The following PLD5 variants were observed in gnomAD, a reference collection of about 807,000 sequenced individuals.
PLD5 encodes the protein phospholipase D family member 5.
PLD5 carries 36 observed loss-of-function variants against 61.1 expected under a neutral mutation model. The ratio of observed to expected loss-of-function variants is 0.59; its 90% CI spans 0.45 to 0.78. PLD5 has a LOEUF of 0.78. PLD5 is among the 30% of genes least tolerant of loss of function. The pLI is 0.00. For missense variants in PLD5, 515 were observed against 644.4 expected (o/e 0.80, Z 2.17); for synonymous variants, 243 against 242.8 (o/e 1.00, Z -0.01).
At chr1:242,204,543 G>A (rs1669199960) in intron 5 of PLD5, among the ~76,000 whole-genome samples, 1 of 152,118 alleles carries the variant, frequency 6.6e-6, no homozygotes, top group South Asian at 2.1e-4. Flanking sequence ...TAAATAAGCA[G>A]TAGTGCCTCT....
intron 5 of PLD5, among the ~76,000 whole-genome samples, chr1:242,129,678 C>T (rs1466666571): frequency 6.6e-6 from 1 of 152,162 alleles, no homozygotes; most frequent in Non-Finnish European, 1.5e-5. Flanking sequence ...GAGTACAAGG[C>T]TGTTTTGTCA....
Position 242,256,412 on chromosome 1 carries a change from T to A in PLD5, c.607+8925A>T, listed in dbSNP as rs543516019. 6.6e-6 allele frequency among the ~76,000 whole-genome samples: 1 copy of A among 152,368 alleles called. No individual in the cohort carries two copies. Among genetic ancestry groups the A allele is most frequent in the Admixed American group, 6.5e-5 (1 of 15,310 alleles). ...TCAAGAATCATTCGTTTAAACGTAA[T>A]TCCCACTGTGGCAGTATTAAGTGGT... On this transcript the variant is annotated intron_variant, in intron 4 of 9. Coordinates refer to ENST00000536534, the MANE Select transcript of PLD5 (RefSeq NM_001372062.1). This position sits in a 1 kb window ranked among gnomAD's most constrained non-coding sequence, Gnocchi z 5.7.
intron 2 of PLD5, among the ~76,000 whole-genome samples, chr1:242,320,681 C>A (rs1321526776): frequency 6.6e-6 from 1 of 152,032 alleles, no homozygotes; most frequent in Non-Finnish European, 1.5e-5. Context: ...GAGGCAGAAG[C>A]CAACGTATCA....
intron 1 of PLD5, among the ~76,000 whole-genome samples, chr1:242,482,767 A>G (rs567506505): frequency 0.012 from 1,789 of 152,324 alleles, 38 homozygotes; most frequent in African/African-American, 0.041. Context: ...CAGATTCACC[A>G]AAGTTGAAAT....
intron 5 of PLD5, among the ~76,000 whole-genome samples, chr1:242,127,082 G>A (rs148053278): frequency 0.017 from 2,588 of 152,250 alleles, 75 homozygotes; most frequent in African/African-American, 0.059. Flanking sequence ...TCAGGGAAAT[G>A]CAAACCAAAG....
At chr1:242,342,144 G>T (rs1659869857) in intron 2 of PLD5, among the ~76,000 whole-genome samples, 2 of 152,208 alleles carry the variant, frequency 1.3e-5, no homozygotes, top group Admixed American at 1.3e-4. Context: ...CCTGAAGTCA[G>T]GGAGGAGAAG....
At chr1:242,301,765 CATTATTATT>C (rs543604489) in intron 2 of PLD5, among the ~76,000 whole-genome samples, 1 of 141,034 alleles carries the variant, frequency 7.1e-6, no homozygotes, top group Non-Finnish European at 1.5e-5. Context: ...TTTTTTAAAA[CATTATTATT>C]ATTATTATTA....
At chr1:242,158,745 CA>C (rs1325365639) in intron 5 of PLD5, among the ~76,000 whole-genome samples, 1 of 152,132 alleles carries the variant, frequency 6.6e-6, no homozygotes, top group African/African-American at 2.4e-5. Flanking sequence ...CTGCAGACTG[CA>C]GCTGTTCCTA....
intron 1 of PLD5, among the ~76,000 whole-genome samples, chr1:242,506,809 C>A (rs971462093): frequency 2.0e-5 from 3 of 152,162 alleles, no homozygotes; most frequent in African/African-American, 7.2e-5. Flanking sequence ...AGTAAAGTGG[C>A]GTAGTGCACT....
intron 6 of PLD5, among the ~76,000 whole-genome samples, chr1:242,117,569 C>A (rs530660901): frequency 6.6e-6 from 1 of 151,984 alleles, no homozygotes; most frequent in Non-Finnish European, 1.5e-5. Context: ...TTAGTAGAGA[C>A]GGGGTTTCAC....
At chr1:242,442,309 A>G (rs1436152690) in intron 1 of PLD5, among the ~76,000 whole-genome samples, 1 of 152,194 alleles carries the variant, frequency 6.6e-6, no homozygotes, top group African/African-American at 2.4e-5. Context: ...AACAACTGAG[A>G]AGTTCTAAAA....
At chr1:242,416,420 TAAGAG>T (rs1664837852) in intron 1 of PLD5, among the ~76,000 whole-genome samples, 1 of 152,118 alleles carries the variant, frequency 6.6e-6, no homozygotes, top group Non-Finnish European at 1.5e-5. Flanking sequence ...ACAGGTGTCT[TAAGAG>T]AAGGATTCAG....
rs948509218 is a variant in PLD5, at chr1:242,449,267, C to A, written c.189+74821G>T. On this transcript the variant is annotated intron_variant, in intron 1 of 9. Transcript: ENST00000536534. ...GCTCAAGTGACTGTTCAGTCTCATG[C>A]TACCAACAGCCATTTTCACCAGCAG... The A allele has an allele frequency of 3.3e-6, 5 of 1,500,590 alleles. No homozygotes were observed. In the African/African-American group the frequency reaches 6.9e-5, roughly 21 times the overall value. 93.0% of individuals were successfully genotyped at this position (1,500,590 alleles called of 1,614,324 possible). A position where few individuals can be genotyped will look rare whatever the true frequency, so the allele number is the denominator to read the frequency against.
chr1:242,132,293 C>T (rs999289241), intron 5 of PLD5, among the ~76,000 whole-genome samples: 24 of 145,256 alleles, frequency 1.7e-4, no homozygotes, highest in African/African-American at 5.7e-4. Context: ...GAAACCAGCG[C>T]GGGTGTCTGA....
intron 1 of PLD5, among the ~76,000 whole-genome samples, chr1:242,387,874 A>T (rs1253726110): frequency 6.6e-6 from 1 of 152,108 alleles, no homozygotes; most frequent in East Asian, 1.9e-4. Flanking sequence ...AAGCATTAAG[A>T]CTGTAGTTGA....
At chr1:242,429,744 C>T (rs1354724948) in intron 1 of PLD5, among the ~76,000 whole-genome samples, 1 of 152,182 alleles carries the variant, frequency 6.6e-6, no homozygotes, top group Non-Finnish European at 1.5e-5. Context: ...GGGTTTAAAT[C>T]ACCATGAGAA....
At chr1:242,347,652 G>A (rs73126335) in intron 2 of PLD5, among the ~76,000 whole-genome samples, 2,710 of 152,308 alleles carry the variant, frequency 0.018, 80 homozygotes, top group African/African-American at 0.062. Context: ...GGGACAGGTC[G>A]AGGAGCCCTG....
intron 2 of PLD5, among the ~76,000 whole-genome samples, chr1:242,318,566 G>A (rs12093334): frequency 0.1 from 15,962 of 152,148 alleles, 1,183 homozygotes; most frequent in East Asian, 0.32. Context: ...TGTGAATCCC[G>A]ACGTGGGATG....
chr1:242,228,424 T>G (rs1003255790), intron 4 of PLD5, among the ~76,000 whole-genome samples: 1 of 152,156 alleles, frequency 6.6e-6, no homozygotes, highest in Non-Finnish European at 1.5e-5. Flanking sequence ...CTAGGTCCCA[T>G]GTGAAAACAT....
Sources: allele counts gnomAD v4.1 joint callset (sites outside exome capture counted in the v4.1 genomes callset), GRCh38; gene constraint gnomAD v4.1.1; non-coding constraint Gnocchi (gnomAD v3.1); transcripts MANE v1.5; gene names NCBI Gene and HGNC (gene_info 2026-07-23, HGNC 2026-07-21).